LRMDA: variants seen among roughly 807,000 people sequenced by gnomAD.
LRMDA encodes the protein leucine rich melanocyte differentiation associated, also known as leucine-rich melanocyte differentiation-associated protein.
A neutral mutation model predicts 29.8 loss-of-function variants in LRMDA; 18 were observed. That is an observed-to-expected ratio of 0.60 (90% CI 0.42 to 0.90). The LOEUF is 0.90. LRMDA is among the 40% of genes least tolerant of loss of function. The probability of loss-of-function intolerance (pLI) is 0.00; values close to 1 mark genes in which losing one functional copy is unlikely to be tolerated. For synonymous variants in LRMDA, 125 were observed against 109.4 expected (o/e 1.14, Z -0.89); for missense variants, 273 against 273.9 (o/e 1.00, Z 0.02).
chr10:76,110,473 C>T (rs1487724299), intron 5 of LRMDA, among the ~76,000 whole-genome samples: 2 of 152,200 alleles, frequency 1.3e-5, no homozygotes, highest in African/African-American at 4.8e-5. Flanking sequence ...TGCTTCAAAC[C>T]TTGCACTGGC....
intron 2 of LRMDA, among the ~76,000 whole-genome samples, chr10:75,494,376 G>A (rs1394935882): frequency 2.6e-5 from 4 of 152,078 alleles, no homozygotes; most frequent in African/African-American, 4.8e-5. Flanking sequence ...TTCCACTAGC[G>A]GTTGTTGAAA....
At chr10:76,205,273 G>A (rs1287180291) in intron 5 of LRMDA, among the ~76,000 whole-genome samples, 1 of 152,048 alleles carries the variant, frequency 6.6e-6, no homozygotes, top group African/African-American at 2.4e-5. Flanking sequence ...GACCAGATGG[G>A]GTGCCTCTTC....
chr10:76,545,575 T>C lies in LRMDA; in HGVS notation c.602-11634T>C, dbSNP rs191535437. Among the ~76,000 whole-genome samples the C allele has an allele frequency of 1.1e-3, 160 of 151,806 alleles. 2 individuals carry two copies. Among genetic ancestry groups the C allele is most frequent in the Admixed American group, 8.7e-3 (133 of 15,240 alleles). On this transcript the variant is annotated intron_variant, in intron 6 of 6. Transcript: ENST00000611255. ...TTCTTCTTTTTTCCTGTTAATGTAA[T>C]TGCACATTACTAAAATTTGAATGTT...
chr10:76,330,880 C>T (rs921444562), intron 6 of LRMDA, among the ~76,000 whole-genome samples: 3 of 152,200 alleles, frequency 2.0e-5, no homozygotes, highest in African/African-American at 7.2e-5. Flanking sequence ...AAAACAATAG[C>T]AAAGACTCAG....
chr10:75,628,821 C>T (rs1841284147), intron 2 of LRMDA, among the ~76,000 whole-genome samples: 1 of 152,154 alleles, frequency 6.6e-6, no homozygotes, highest in African/African-American at 2.4e-5. Flanking sequence ...CCACTGGTTT[C>T]CAAAAGTCCA....
At chr10:76,047,040 G>T in intron 3 of LRMDA, 124 bp from the exon 4 acceptor site, 1 of 1,046,188 alleles carries the variant, frequency 9.6e-7, no homozygotes, top group African/African-American at 1.6e-5. Context: ...CAGCTGAATT[G>T]ATTTCAGCCC....
intron 2 of LRMDA, among the ~76,000 whole-genome samples, chr10:75,612,379 C>T (rs1841043712): frequency 6.6e-6 from 1 of 150,894 alleles, no homozygotes. Flanking sequence ...GGTTGAGAAA[C>T]TCTAAAAATA....
At chr10:76,370,513 G>A (rs142753665) in intron 6 of LRMDA, among the ~76,000 whole-genome samples, 77 of 152,244 alleles carry the variant, frequency 5.1e-4, no homozygotes, top group African/African-American at 1.4e-3. Flanking sequence ...AAAGAAAATA[G>A]CATATATTGT....
chr10:75,658,653 A>G (rs115985856), intron 2 of LRMDA, among the ~76,000 whole-genome samples: 1,617 of 152,304 alleles, frequency 0.011, 27 homozygotes, highest in African/African-American at 0.037. Flanking sequence ...AAACATTTTC[A>G]TCTCTGGAAA....
intron 2 of LRMDA, among the ~76,000 whole-genome samples, chr10:75,733,843 A>C (rs1253922827): frequency 2.0e-5 from 3 of 152,334 alleles, no homozygotes; most frequent in Non-Finnish European, 4.4e-5. Context: ...AGTTATCTGC[A>C]TAACACTAGA....
At chr10:76,523,342 T>C (rs1170589418) in intron 6 of LRMDA, among the ~76,000 whole-genome samples, 1 of 152,118 alleles carries the variant, frequency 6.6e-6, no homozygotes, top group Non-Finnish European at 1.5e-5. Flanking sequence ...TTAGTATGCA[T>C]TTTGTGTTCT....
intron 5 of LRMDA, among the ~76,000 whole-genome samples, chr10:76,124,974 A>G (rs1367871882): frequency 6.6e-6 from 1 of 152,228 alleles, no homozygotes; most frequent in African/African-American, 2.4e-5. Context: ...TGCTATAATC[A>G]TTATTACTTA....
intron 6 of LRMDA, among the ~76,000 whole-genome samples, chr10:76,397,854 A>C (rs12241719): frequency 0.091 from 13,825 of 152,272 alleles, 815 homozygotes; most frequent in East Asian, 0.33. Context: ...ACAGAAAAAG[A>C]ATGAGTGCTT....
At chr10:75,703,322 G>A (rs1289524228) in intron 2 of LRMDA, among the ~76,000 whole-genome samples, 2 of 152,194 alleles carry the variant, frequency 1.3e-5, no homozygotes, top group Non-Finnish European at 2.9e-5. Flanking sequence ...TCACTTAGCA[G>A]CAATGAGGCA....
At chr10:75,709,360 CTG>C (rs1214638894) in intron 2 of LRMDA, among the ~76,000 whole-genome samples, 2 of 151,148 alleles carry the variant, frequency 1.3e-5, no homozygotes, top group Non-Finnish European at 2.9e-5. Context: ...GTGTGTGTGT[CTG>C]TGTGTGCGTG....
intron 6 of LRMDA, among the ~76,000 whole-genome samples, chr10:76,434,233 A>G (rs186963535): frequency 1.8e-3 from 278 of 152,132 alleles, no homozygotes; most frequent in Middle Eastern, 3.4e-3. Flanking sequence ...CCTTGAACAG[A>G]CATCTCCTCC....
intron 5 of LRMDA, among the ~76,000 whole-genome samples, chr10:76,100,450 T>G (rs1012216612): frequency 1.3e-5 from 2 of 152,196 alleles, no homozygotes; most frequent in Non-Finnish European, 2.9e-5. Context: ...TGACACAAGC[T>G]TCCCGTGGCT....
chr10:76,463,259 AG>A (rs1422318416), intron 6 of LRMDA, among the ~76,000 whole-genome samples: 2 of 152,190 alleles, frequency 1.3e-5, no homozygotes, highest in African/African-American at 4.8e-5. Flanking sequence ...ATGCTTCCCC[AG>A]GGGAAAACAG....
At chr10:75,913,742 C>T (rs556286518) in intron 2 of LRMDA, among the ~76,000 whole-genome samples, 1 of 152,244 alleles carries the variant, frequency 6.6e-6, no homozygotes, top group South Asian at 2.1e-4. Flanking sequence ...TGTGGGGTGG[C>T]CTTTTAGGTA....
Sources: allele counts gnomAD v4.1 joint callset (sites outside exome capture counted in the v4.1 genomes callset), GRCh38; gene constraint gnomAD v4.1.1; transcripts MANE v1.5; gene names NCBI Gene and HGNC (gene_info 2026-07-23, HGNC 2026-07-21).